UGT3A2: variants seen among roughly 807,000 people sequenced by gnomAD.
The protein encoded by UGT3A2 is UDP glycosyltransferase family 3 member A2, also known as UDP-glycosyltransferase 3A2.
In UGT3A2, 32 loss-of-function variants were observed where a neutral mutation model predicts 39.8. The observed-to-expected ratio is 0.80, with a 90% CI of 0.61 to 1.08. The LOEUF (loss-of-function observed/expected upper bound fraction) is 1.08, where lower values mean the gene tolerates loss of function less well. Ranked by LOEUF, UGT3A2 falls within the 50% of genes least tolerant of loss-of-function variation. The pLI is 0.00. For missense variants in UGT3A2, 611 were observed against 637.1 expected (o/e 0.96, Z 0.44); for synonymous variants, 241 against 230.7 (o/e 1.04, Z -0.40).
intron 4 of UGT3A2, among the ~76,000 whole-genome samples, chr5:36,043,323 A>C: frequency 6.6e-6 from 1 of 152,034 alleles, no homozygotes; most frequent in East Asian, 1.9e-4. Context: ...TTAAAAATGT[A>C]TTGAAACAAA....
At chr5:36,055,837 C>G (rs1742492882) in intron 2 of UGT3A2, among the ~76,000 whole-genome samples, 1 of 152,150 alleles carries the variant, frequency 6.6e-6, no homozygotes, top group Admixed American at 6.5e-5. Context: ...GGGACATGTT[C>G]TCATTCCTTT....
At chr5:36,062,652 AGT>A (rs1742745337) in intron 2 of UGT3A2, among the ~76,000 whole-genome samples, 1 of 152,108 alleles carries the variant, frequency 6.6e-6, no homozygotes, top group African/African-American at 2.4e-5. Flanking sequence ...GTAGTCTTGT[AGT>A]ATAGTTTGAA....
rs190880152 is a variant in UGT3A2, at chr5:36,038,960, C to A, written c.1075+517G>T. On this transcript the variant is annotated intron_variant, in intron 5 of 6. Transcript: ENST00000282507. ...TTGGCACACAGGTATGTTGGCACAT[C>A]CTAAAGACATCATTGGCATTAATCT... Among the ~76,000 whole-genome samples, 3 of 152,290 alleles carry A rather than the reference C, an allele frequency of 2.0e-5. No individual in the cohort carries two copies. In the East Asian group the frequency reaches 5.8e-4, roughly 29 times the overall value.
intron 2 of UGT3A2, among the ~76,000 whole-genome samples, chr5:36,053,931 A>T (rs1742427079): frequency 6.6e-6 from 1 of 152,156 alleles, no homozygotes; most frequent in Non-Finnish European, 1.5e-5. Flanking sequence ...TCTTTCCTTT[A>T]TAACAGGGGT....
Position 36,035,588 on chromosome 5 carries a change from C to A in UGT3A2, c.*110G>T. 1 of 1,449,646 alleles carries A rather than the reference C, an allele frequency of 6.9e-7. No individual in the cohort carries two copies. The allele number at this position is 1,449,646 out of a possible 1,614,324, so 89.8% of individuals were successfully genotyped here. A position where few individuals can be genotyped will look rare whatever the true frequency, so the allele number is the denominator to read the frequency against. ...CCATTTTTCCTGTTCTTCAAGAAAA[C>A]AGGAGATAACTAGAAGGACTAGAGA... On this transcript the variant is annotated 3_prime_UTR_variant, in exon 7 of 7. Transcript: ENST00000282507.
At chr5:36,055,079 C>T (rs1742463459) in intron 2 of UGT3A2, among the ~76,000 whole-genome samples, 1 of 151,606 alleles carries the variant, frequency 6.6e-6, no homozygotes, top group Non-Finnish European at 1.5e-5. Flanking sequence ...GAGGAGGTTG[C>T]AGTGAGCTGA....
intron 4 of UGT3A2, among the ~76,000 whole-genome samples, chr5:36,040,340 G>A (rs972261515): frequency 3.3e-5 from 5 of 152,112 alleles, no homozygotes; most frequent in African/African-American, 1.2e-4. Context: ...GAACCCTGAA[G>A]TGATTTTGCC....
At chr5:36,045,925 A>T (rs62354173) in intron 4 of UGT3A2, among the ~76,000 whole-genome samples, 28,930 of 152,162 alleles carry the variant, frequency 0.19, 3,414 homozygotes, top group Non-Finnish European at 0.25. Context: ...AAACAACTCT[A>T]CGAGAAAAAA....
At position 36,051,963 on chromosome 5, in the gene UGT3A2, G is replaced by T; in HGVS notation, c.218C>A (p.Ser73Ter). The T allele has an allele frequency of 6.4e-7, 1 of 1,570,384 alleles. No individual in the cohort carries two copies. ...TGCAAGCCAACTGATAACTTGATAT[G>T]ATTTTTCTTCCTTTTTAAAATCTAA... ...FMPDFKKEEK[S>*]YQVISWLAPE... is the part of the protein sequence containing the mutation. The change falls in exon 3 of 7, where the codon TCA becomes TAA. Residue 73 changes from serine (S) to a stop codon, truncating the protein, a stop_gained. Coordinates refer to ENST00000282507, the MANE Select transcript of UGT3A2 (RefSeq NM_174914.4). LOFTEE classifies it high-confidence loss of function.
intron 6 of UGT3A2, 108 bp from the exon 7 acceptor site, chr5:36,036,082 G>C: frequency 7.1e-7 from 1 of 1,400,516 alleles, no homozygotes; most frequent in Non-Finnish European, 9.6e-7. Flanking sequence ...AGGAAATTCT[G>C]TTGGCTTTGC....
Position 36,045,608 on chromosome 5 carries a change from AAAAAGAAAAGAAAAAG to A in UGT3A2, c.843+3265_843+3280del, listed in dbSNP as rs1370493426. 7.9e-5 allele frequency among the ~76,000 whole-genome samples: 12 copies of A among 151,262 alleles called. No homozygotes were observed. The South Asian group carries it at 1.0e-3, about 13-fold the overall frequency. ...AACTCAGTCCTCAGTCTCAAAAAAA[AAAAAGAAAAGAAAAAG>A]AAAAGAAAAGAAAAGAAAAAGACTG... On this transcript the variant is annotated intron_variant, in intron 4 of 6. Coordinates refer to ENST00000282507, the MANE Select transcript of UGT3A2 (RefSeq NM_174914.4).
rs1742890281 is a variant in UGT3A2, at chr5:36,066,690, A to G, written c.94+6T>C. The G allele has an allele frequency of 6.2e-7, 1 of 1,614,032 alleles. No individual in the cohort carries two copies. The highest frequency in any genetic ancestry group is 8.5e-7 in the Non-Finnish European group (1 of 1,179,976). On this transcript the variant is annotated splice_donor_region_variant and intron_variant, in intron 1 of 6. Coordinates refer to ENST00000282507, the MANE Select transcript of UGT3A2 (RefSeq NM_174914.4). ...CTGTCTGGGAATTCTCCGGCCAAGC[A>G]CTCACCTACTGTAGATATTGTCAGG...
At chr5:36,062,473 T>C (rs1742738103) in intron 2 of UGT3A2, among the ~76,000 whole-genome samples, 2 of 151,990 alleles carry the variant, frequency 1.3e-5, no homozygotes, top group Non-Finnish European at 2.9e-5. Flanking sequence ...CTAGCCAGTT[T>C]TCCCAGCACC....
At position 36,035,474 on chromosome 5, in the gene UGT3A2, A is replaced by G. The variant is rs2111677590; in HGVS notation, c.*224T>C. The G allele has an allele frequency of 1.6e-6, 1 of 611,954 alleles. No homozygotes were observed. The highest frequency in any genetic ancestry group is 2.8e-6 in the Non-Finnish European group (1 of 360,144). The allele number at this position is 611,954 out of a possible 1,614,324, so 37.9% of individuals were successfully genotyped here. A position where few individuals can be genotyped will look rare whatever the true frequency, so the allele number is the denominator to read the frequency against. ...TTGCTGATGGCAAACAAAGGAGGAC[A>G]AGAGGACTGGAAAGAATTCTGCTAG... On this transcript the variant is annotated 3_prime_UTR_variant, in exon 7 of 7. Coordinates refer to ENST00000282507, the MANE Select transcript of UGT3A2 (RefSeq NM_174914.4).
intron 4 of UGT3A2, among the ~76,000 whole-genome samples, chr5:36,047,657 A>T (rs74752222): frequency 0.19 from 29,435 of 151,830 alleles, 3,348 homozygotes; most frequent in Non-Finnish European, 0.25. Flanking sequence ...AAGAAACATA[A>T]TTTTTTTTAA....
intron 4 of UGT3A2, among the ~76,000 whole-genome samples, chr5:36,047,116 C>T (rs993131128): frequency 2.0e-5 from 3 of 152,204 alleles, no homozygotes; most frequent in Non-Finnish European, 4.4e-5. Context: ...TAGTCAGAGA[C>T]TCCAAAAAAT....
chr5:36,059,329 A>C (rs1409822229), intron 2 of UGT3A2, among the ~76,000 whole-genome samples: 1 of 151,700 alleles, frequency 6.6e-6, no homozygotes, highest in African/African-American at 2.4e-5. Context: ...GAATCAAAAT[A>C]ACATGGGGAA....
chr5:36,036,506 A>G (rs1369946552), intron 6 of UGT3A2, among the ~76,000 whole-genome samples: 1 of 152,168 alleles, frequency 6.6e-6, no homozygotes, highest in African/African-American at 2.4e-5. Context: ...CCACACTTTT[A>G]TTTTACACCA....
chr5:36,054,392 G>C (rs1742441624), intron 2 of UGT3A2, among the ~76,000 whole-genome samples: 1 of 152,096 alleles, frequency 6.6e-6, no homozygotes, highest in African/African-American at 2.4e-5. Context: ...ACCCCTCTTG[G>C]AATGAAAATG....
Sources: allele counts gnomAD v4.1 joint callset (sites outside exome capture counted in the v4.1 genomes callset), GRCh38; gene constraint gnomAD v4.1.1; transcripts MANE v1.5; gene names NCBI Gene and HGNC (gene_info 2026-07-23, HGNC 2026-07-21).